PDE4D: variants seen among roughly 807,000 people sequenced by gnomAD.
PDE4D encodes the protein phosphodiesterase 4D, also known as 3',5'-cyclic-AMP phosphodiesterase 4D.
A neutral mutation model predicts 87.4 loss-of-function variants in PDE4D; 24 were observed. That is an observed-to-expected ratio of 0.27 (90% CI 0.20 to 0.39). The LOEUF (loss-of-function observed/expected upper bound fraction) is 0.39. Among genes scored for constraint, PDE4D ranks in the 10% least tolerant of loss-of-function variants. PDE4D has a pLI of 1.00. For synonymous variants in PDE4D, 384 were observed against 383.2 expected, an observed-to-expected ratio of 1.00 and a Z score of -0.02; for missense variants, 714 against 1,041.0, an observed-to-expected ratio of 0.69 and a Z score of 4.32.
intron 1 of PDE4D, among the ~76,000 whole-genome samples, chr5:60,337,351 CTATATATATATATATATATA>C (rs748923956): frequency 6.4e-5 from 4 of 62,260 alleles, no homozygotes; most frequent in South Asian, 1.1e-3. Flanking sequence ...AACAAACAAA[CTATATATATATATATATATA>C]TATATATATA....
chr5:59,859,239 T>C (rs1745904229), intron 1 of PDE4D, among the ~76,000 whole-genome samples: 1 of 152,192 alleles, frequency 6.6e-6, no homozygotes, highest in Non-Finnish European at 1.5e-5. Flanking sequence ...CTTAGTTGTT[T>C]TCTTAAAGAC....
At chr5:60,345,432 A>C (rs1018337931) in intron 1 of PDE4D, among the ~76,000 whole-genome samples, 41 of 149,932 alleles carry the variant, frequency 2.7e-4, no homozygotes, top group Admixed American at 6.0e-4. Context: ...TGTACCCTAG[A>C]ACGTAAAGTA....
intron 1 of PDE4D, among the ~76,000 whole-genome samples, chr5:59,448,287 C>T (rs1027100998): frequency 1.3e-5 from 2 of 152,052 alleles, no homozygotes; most frequent in African/African-American, 2.4e-5. Flanking sequence ...CCCAATATTC[C>T]CTCAACCACA....
intron 1 of PDE4D, among the ~76,000 whole-genome samples, chr5:60,427,052 A>C (rs546973987): frequency 6.6e-6 from 1 of 152,342 alleles, no homozygotes; most frequent in East Asian, 1.9e-4. Flanking sequence ...ATGAACTAAG[A>C]TTTAGGAATA....
chr5:59,373,844 C>A (rs536714555), intron 1 of PDE4D, among the ~76,000 whole-genome samples: 16 of 152,246 alleles, frequency 1.1e-4, no homozygotes, highest in African/African-American at 3.1e-4. Flanking sequence ...AGCAGAAACT[C>A]TACAAGCCAG....
chr5:59,263,047 A>C (rs1007384279), intron 1 of PDE4D, among the ~76,000 whole-genome samples: 6 of 151,928 alleles, frequency 3.9e-5, no homozygotes, highest in Non-Finnish European at 8.8e-5. Flanking sequence ...ATCCTCCCGG[A>C]TACTATACAA....
intron 1 of PDE4D, among the ~76,000 whole-genome samples, chr5:59,273,261 T>G (rs1445953): frequency 6.6e-6 from 1 of 151,760 alleles, no homozygotes. Context: ...ATTTGAGGCC[T>G]GTGGCCTTTA....
chr5:60,020,289 T>A (rs1008856938), intron 2 of PDE4D, among the ~76,000 whole-genome samples: 2 of 152,086 alleles, frequency 1.3e-5, no homozygotes, highest in Non-Finnish European at 2.9e-5. Flanking sequence ...GTAACAAATA[T>A]AATGATAATG....
intron 5 of PDE4D, among the ~76,000 whole-genome samples, chr5:59,179,453 T>C (rs900657911): frequency 1.3e-5 from 2 of 152,146 alleles, no homozygotes. Context: ...TAACCATATA[T>C]GTACTATAAA....
At chr5:60,415,804 G>C (rs545476973) in intron 1 of PDE4D, among the ~76,000 whole-genome samples, 13 of 152,252 alleles carry the variant, frequency 8.5e-5, no homozygotes, top group Non-Finnish European at 1.5e-4. Flanking sequence ...GAGTGCAGGC[G>C]TAGGGCGCGG....
At chr5:60,387,705 T>A (rs1315672657) in intron 1 of PDE4D, among the ~76,000 whole-genome samples, 4 of 152,130 alleles carry the variant, frequency 2.6e-5, no homozygotes, top group Non-Finnish European at 1.5e-5. Context: ...TTTCCTCTAC[T>A]CTCACGCCAC....
chr5:59,384,274 C>CT (rs1213430643), intron 1 of PDE4D, among the ~76,000 whole-genome samples: 1 of 152,148 alleles, frequency 6.6e-6, no homozygotes, highest in Non-Finnish European at 1.5e-5. Flanking sequence ...CTGGCTCTCT[C>CT]TTTGTAGCTC....
intron 5 of PDE4D, among the ~76,000 whole-genome samples, chr5:59,110,841 C>T (rs969574458): frequency 1.3e-5 from 2 of 152,134 alleles, no homozygotes; most frequent in African/African-American, 4.8e-5. Flanking sequence ...CACTACACCC[C>T]AGACTGGGCA....
At chr5:59,925,900 C>A (rs1393000635) in intron 3 of PDE4D, among the ~76,000 whole-genome samples, 1 of 152,042 alleles carries the variant, frequency 6.6e-6, no homozygotes, top group Non-Finnish European at 1.5e-5. Flanking sequence ...GAGAGGTAGA[C>A]CCCAATACAA....
intron 2 of PDE4D, among the ~76,000 whole-genome samples, chr5:60,033,791 C>G (rs991031929): frequency 3.9e-5 from 6 of 152,132 alleles, no homozygotes; most frequent in African/African-American, 1.4e-4. Flanking sequence ...AATACAATTT[C>G]TAGAATCAGT....
chr5:59,179,911 T>C (rs1049218447), intron 5 of PDE4D, among the ~76,000 whole-genome samples: 1 of 152,228 alleles, frequency 6.6e-6, no homozygotes, highest in African/African-American at 2.4e-5. Flanking sequence ...AGATCATGCA[T>C]TCTGTTTTTG....
intron 1 of PDE4D, among the ~76,000 whole-genome samples, chr5:60,268,466 C>T (rs143015269): frequency 1.7e-3 from 255 of 152,260 alleles, no homozygotes; most frequent in African/African-American, 5.6e-3. Context: ...CGGGTGTGGA[C>T]GGCTACCTCA....
intron 1 of PDE4D, among the ~76,000 whole-genome samples, chr5:60,391,757 T>C (rs1299869694): frequency 6.6e-6 from 1 of 152,196 alleles, no homozygotes; most frequent in Non-Finnish European, 1.5e-5. Context: ...CTTTGTCCTA[T>C]AACGTATTCA....
intron 1 of PDE4D, among the ~76,000 whole-genome samples, chr5:60,340,833 G>T (rs1758251372): frequency 6.6e-6 from 1 of 152,140 alleles, no homozygotes; most frequent in Non-Finnish European, 1.5e-5. Flanking sequence ...TCCTCAGAAA[G>T]GGGCATAAAC....
Sources: allele counts gnomAD v4.1 joint callset (sites outside exome capture counted in the v4.1 genomes callset), GRCh38; gene constraint gnomAD v4.1.1; transcripts MANE v1.5; gene names NCBI Gene and HGNC (gene_info 2026-07-23, HGNC 2026-07-21).